Variants in SLC41A2 observed in about 807,000 individuals in gnomAD.
SLC41A2 encodes the protein SLC41A1-like 1.
SLC41A2 carries 32 observed loss-of-function variants against 58.3 expected under a neutral mutation model. The ratio of observed to expected loss-of-function variants is 0.55; its 90% confidence interval spans 0.41 to 0.74. The LOEUF is 0.74. Ranked by LOEUF, SLC41A2 falls within the 30% of genes least tolerant of loss-of-function variation. The pLI, the probability that SLC41A2 is intolerant of heterozygous loss-of-function variation, is 0.00. For missense variants in SLC41A2, 514 were observed against 680.6 expected (o/e 0.76, Z 2.72); for synonymous variants, 190 against 235.0 (o/e 0.81, Z 1.75).
chr12:104,904,825 G>A (rs1048012935), intron 3 of SLC41A2, among the ~76,000 whole-genome samples: 1 of 152,186 alleles, frequency 6.6e-6, no homozygotes, highest in African/African-American at 2.4e-5. Context: ...AGATCTTCGC[G>A]GTGAGTGTTA....
At chr12:104,894,579 C>T (rs1271522996) in intron 4 of SLC41A2, among the ~76,000 whole-genome samples, 2 of 152,148 alleles carry the variant, frequency 1.3e-5, no homozygotes, top group African/African-American at 2.4e-5. Flanking sequence ...AATTACATTA[C>T]ATGAAATTCT....
intron 3 of SLC41A2, among the ~76,000 whole-genome samples, chr12:104,897,186 C>T (rs1020779868): frequency 7.0e-6 from 1 of 142,118 alleles, no homozygotes; most frequent in African/African-American, 2.6e-5. Context: ...TACTCCGTCA[C>T]CCAGGCTGGA....
At chr12:104,847,192 CA>C (rs1405868523) in intron 8 of SLC41A2, among the ~76,000 whole-genome samples, 4 of 151,870 alleles carry the variant, frequency 2.6e-5, no homozygotes, top group Non-Finnish European at 5.9e-5. Flanking sequence ...AAAGATATAT[CA>C]TGCAAACACT....
chr12:104,864,510 C>A, intron 7 of SLC41A2, among the ~76,000 whole-genome samples: 1 of 152,254 alleles, frequency 6.6e-6, no homozygotes, highest in East Asian at 1.9e-4. Flanking sequence ...AATATGCTTT[C>A]ACTTGGGTCC....
intron 10 of SLC41A2, among the ~76,000 whole-genome samples, chr12:104,834,834 A>T (rs372047317): frequency 6.6e-6 from 1 of 152,220 alleles, no homozygotes. Context: ...GCCTGAGGCC[A>T]AGCTAATTAA....
chr12:104,816,085 G>A (rs1259840615), intron 10 of SLC41A2, among the ~76,000 whole-genome samples: 1 of 152,126 alleles, frequency 6.6e-6, no homozygotes, highest in Non-Finnish European at 1.5e-5. Flanking sequence ...AAGTGGTAGA[G>A]TCAAACCCAG....
chr12:104,949,543 A>G (rs2047872966), intron 1 of SLC41A2, among the ~76,000 whole-genome samples: 1 of 152,152 alleles, frequency 6.6e-6, no homozygotes, highest in African/African-American at 2.4e-5. Context: ...GTGTTCACCA[A>G]CTACAAGTTG....
chr12:104,882,146 T>G (rs1379120993), intron 6 of SLC41A2, among the ~76,000 whole-genome samples: 1 of 152,090 alleles, frequency 6.6e-6, no homozygotes, highest in East Asian at 1.9e-4. Flanking sequence ...ACCCCTGCTT[T>G]TTTTTTTGTT....
At position 104,839,661 on chromosome 12, in the gene SLC41A2, G is replaced by A. The variant is rs142005439; in HGVS notation, c.1536+4811C>T. Among the ~76,000 whole-genome samples the A allele has an allele frequency of 4.9e-3, 750 of 151,916 alleles. 10 individuals carry two copies. Among genetic ancestry groups the A allele is most frequent in the African/African-American group, 0.017 (687 of 41,448 alleles). ...TGGGATTACAGGCGTGCACCACCAC[G>A]CCCTGCTAATTTTTTGTATTTTTAG... On this transcript the variant is annotated intron_variant, in intron 10 of 10. Transcript: ENST00000258538.
At chr12:104,945,665 C>A (rs2047691552) in intron 1 of SLC41A2, among the ~76,000 whole-genome samples, 2 of 152,162 alleles carry the variant, frequency 1.3e-5, no homozygotes, top group Admixed American at 6.5e-5. Flanking sequence ...TACTGCTTTG[C>A]ATCCTGCTTT....
At position 104,927,979 on chromosome 12, in the gene SLC41A2, T is replaced by C. The variant is rs1040793131; in HGVS notation, c.549A>G (p.Ile183Met). Residue 183 changes from isoleucine to methionine, a missense_variant, in exon 2 of 11, where the codon ATA (isoleucine) becomes ATG (methionine). Coordinates refer to ENST00000258538, the MANE Select transcript of SLC41A2 (RefSeq NM_001352171.3). ...AATAAAGATGAAAACCCACCTGTAC[T>C]ATATCCAGTACCATGCCAGCTGAAA... ...GTVSAGMVLD[I>M]VQHWEVFRKV... is the part of the protein sequence containing the mutation. The C allele has an allele frequency of 3.1e-6, 5 of 1,596,086 alleles. No individual in the cohort carries two copies. In the African/African-American group the frequency reaches 4.0e-5, roughly 13 times the overall value.
At chr12:104,909,506 T>G (rs2045986950) in intron 3 of SLC41A2, 149 bp downstream of exon 3, 1 of 566,748 alleles carries the variant, frequency 1.8e-6, no homozygotes, top group Admixed American at 3.8e-5. Context: ...AGACAATATT[T>G]CAGAATATGA....
intron 1 of SLC41A2, among the ~76,000 whole-genome samples, chr12:104,957,868 G>C (rs2048227521): frequency 6.6e-6 from 1 of 152,164 alleles, no homozygotes; most frequent in East Asian, 1.9e-4. Flanking sequence ...CCCTCAGCCC[G>C]AGGTGGGGCA....
At chr12:104,945,309 G>T (rs1264302705) in intron 1 of SLC41A2, among the ~76,000 whole-genome samples, 2 of 151,942 alleles carry the variant, frequency 1.3e-5, no homozygotes, top group African/African-American at 4.8e-5. Flanking sequence ...GACCATCCTG[G>T]CTAATGCGGT....
intron 6 of SLC41A2, among the ~76,000 whole-genome samples, chr12:104,878,723 T>C (rs994896981): frequency 1.3e-5 from 2 of 152,218 alleles, no homozygotes; most frequent in African/African-American, 4.8e-5. Context: ...TGTTGGACAT[T>C]TGGCTTGGTT....
intron 10 of SLC41A2, among the ~76,000 whole-genome samples, chr12:104,828,627 C>T (rs897874497): frequency 5.9e-5 from 9 of 151,984 alleles, no homozygotes; most frequent in Non-Finnish European, 1.3e-4. Flanking sequence ...ACGGAAGAAG[C>T]GAGCCATACC....
At chr12:104,925,773 T>C (rs2046812489) in intron 2 of SLC41A2, among the ~76,000 whole-genome samples, 1 of 152,196 alleles carries the variant, frequency 6.6e-6, no homozygotes, top group Non-Finnish European at 1.5e-5. Context: ...TAAGCTGTAC[T>C]CTAACACCTT....
chr12:104,866,655 A>C, intron 6 of SLC41A2, 76 bp from the exon 7 acceptor site: 1 of 1,260,110 alleles, frequency 7.9e-7, no homozygotes, highest in Admixed American at 2.6e-5. Context: ...AAATTATCAA[A>C]GTTTACTAGA....
At chr12:104,930,795 A>T (rs2047020824) in intron 1 of SLC41A2, among the ~76,000 whole-genome samples, 2 of 152,194 alleles carry the variant, frequency 1.3e-5, no homozygotes, top group Admixed American at 6.5e-5. Flanking sequence ...AACAAGGGGG[A>T]ATTTCCCAAG....
Sources: allele counts gnomAD v4.1 joint callset (sites outside exome capture counted in the v4.1 genomes callset), GRCh38; gene constraint gnomAD v4.1.1; transcripts MANE v1.5; gene names NCBI Gene and HGNC (gene_info 2026-07-23, HGNC 2026-07-21).